The following TBC1D8 variants were observed in gnomAD, a reference collection of about 807,000 sequenced individuals.
TBC1D8 encodes BUB2-like protein 1.
A neutral mutation model predicts 118.8 loss-of-function variants in TBC1D8; 65 were observed. That is an observed-to-expected ratio of 0.55 (90% CI 0.45 to 0.67). The LOEUF (loss-of-function observed/expected upper bound fraction) is 0.67, where lower values mean the gene tolerates loss of function less well. Among genes scored for constraint, TBC1D8 ranks in the 30% least tolerant of loss-of-function variants. The probability of loss-of-function intolerance (pLI) is 0.00; values close to 1 mark genes in which losing one functional copy is unlikely to be tolerated. For synonymous variants in TBC1D8, 566 were observed against 595.8 expected, an observed-to-expected ratio of 0.95 and a Z score of 0.73; for missense variants, 1,376 against 1,471.2, an observed-to-expected ratio of 0.94 and a Z score of 1.06.
At chr2:101,049,687 C>T (rs528665140) in intron 5 of TBC1D8, among the ~76,000 whole-genome samples, 1 of 151,588 alleles carries the variant, frequency 6.6e-6, no homozygotes, top group Admixed American at 6.6e-5. Context: ...GAGATAGCAC[C>T]GTTGTACTCC....
In TBC1D8 at chr2:101,007,688, T is replaced by C. The variant is rs1678830470; in HGVS notation, c.*133A>G. ...GTTGTGTCGGTTCCCCTGGCCACAG[T>C]TTGTCAGGTTGTTTAGCCAGATGCC... On this transcript the variant is annotated 3_prime_UTR_variant, in exon 20 of 20. Transcript: ENST00000409318. 2.2e-6 allele frequency: 2 copies of C among 899,604 alleles called. No individual in the cohort carries two copies. The highest frequency in any genetic ancestry group is 4.9e-4 in the Middle Eastern group (2 of 4,074). The allele number at this position is 899,604 out of a possible 1,614,324, so 55.7% of individuals were successfully genotyped here. A position where few individuals can be genotyped will look rare whatever the true frequency, so the allele number is the denominator to read the frequency against.
rs1015495791 is a variant in TBC1D8, at chr2:101,036,237, G to A, written c.1453-69C>T. The A allele has an allele frequency of 2.2e-5, 35 of 1,558,880 alleles. No individual in the cohort carries two copies. The Admixed American group carries it at 3.5e-4, about 15-fold the overall frequency. On this transcript the variant is annotated intron_variant, in intron 8 of 19. Coordinates refer to ENST00000409318, the MANE Select transcript of TBC1D8 (RefSeq NM_001330348.2). ...ACCACCCCCCACCCACCGATGCACC[G>A]CTGGCAATGGAGGAAGTACTGCCCC...
chr2:101,104,499 C>G (rs1391594770), intron 1 of TBC1D8, among the ~76,000 whole-genome samples: 1 of 152,282 alleles, frequency 6.6e-6, no homozygotes. Context: ...TGTGGTGGTA[C>G]TGGTAATAGA....
chr2:101,105,410 G>A (rs1214340152), intron 1 of TBC1D8, among the ~76,000 whole-genome samples: 3 of 151,554 alleles, frequency 2.0e-5, no homozygotes, highest in African/African-American at 4.9e-5. Flanking sequence ...TCAACATGGC[G>A]AAACCCTGTC....
intron 1 of TBC1D8, among the ~76,000 whole-genome samples, chr2:101,131,687 C>T (rs954512503): frequency 1.3e-5 from 2 of 151,648 alleles, no homozygotes; most frequent in Admixed American, 6.6e-5. Context: ...TGGTGGTGGG[C>T]GCCTGTAGTC....
intron 2 of TBC1D8, among the ~76,000 whole-genome samples, chr2:101,065,634 C>A (rs973623197): frequency 6.6e-6 from 1 of 152,138 alleles, no homozygotes; most frequent in Non-Finnish European, 1.5e-5. Flanking sequence ...GATTTTCAGT[C>A]GGGTATATTT....
chr2:101,068,667 C>T (rs898597978), intron 2 of TBC1D8: 27 of 454,658 alleles, frequency 5.9e-5, no homozygotes, highest in Non-Finnish European at 1.0e-4. Flanking sequence ...TGGATGATAC[C>T]TTAGCACTTT....
At chr2:101,043,520 A>G (rs1369363464) in intron 5 of TBC1D8, among the ~76,000 whole-genome samples, 2 of 152,200 alleles carry the variant, frequency 1.3e-5, no homozygotes, top group Non-Finnish European at 2.9e-5. Flanking sequence ...CTTTCCCCTT[A>G]GGACATGGCT....
At chr2:101,148,960 T>C (rs1338329676) in intron 1 of TBC1D8, among the ~76,000 whole-genome samples, 2 of 152,154 alleles carry the variant, frequency 1.3e-5, no homozygotes, top group African/African-American at 4.8e-5. Context: ...CAATCCTAAG[T>C]GGTCCCATGA....
At chr2:101,049,257 A>G (rs1017688712) in intron 5 of TBC1D8, among the ~76,000 whole-genome samples, 2 of 152,250 alleles carry the variant, frequency 1.3e-5, no homozygotes, top group Admixed American at 6.5e-5. Context: ...TTAAAGCAAC[A>G]AACAATTCAA....
At chr2:101,011,576 T>G (rs773686588) in intron 17 of TBC1D8, 36 bp from the exon 18 acceptor site, 2 of 1,609,678 alleles carry the variant, frequency 1.2e-6, no homozygotes, top group East Asian at 2.2e-5. Flanking sequence ...TTAAACAAAT[T>G]TTCTGCCTTA....
chr2:101,040,104 C>T (rs1681284239), intron 6 of TBC1D8, 74 bp downstream of exon 6: 1 of 1,529,742 alleles, frequency 6.5e-7, no homozygotes, highest in Admixed American at 1.8e-5. Flanking sequence ...TCCCACACTC[C>T]ATCTCACAGC....
At chr2:101,095,321 T>A (rs1676330342) in intron 1 of TBC1D8, among the ~76,000 whole-genome samples, 2 of 144,766 alleles carry the variant, frequency 1.4e-5, no homozygotes, top group Admixed American at 1.4e-4. Flanking sequence ...TACATATGTA[T>A]ACATGTGCCA....
rs1678794367 is a variant in TBC1D8, at chr2:101,007,293, C to CAACA, written c.*524_*527dup. On this transcript the variant is annotated 3_prime_UTR_variant, in exon 20 of 20. Transcript: ENST00000409318. The stretch of plus-strand genomic sequence containing the variant: ...CATTGAAAGCATGGTTTGTACACAA[C>CAACA]AACATTTTTGGAAGGACATATAAAG... 1.3e-5 allele frequency: 2 copies of CAACA among 152,650 alleles called. No individual in the cohort carries two copies. Among genetic ancestry groups the CAACA allele is most frequent in the Non-Finnish European group, 2.9e-5 (2 of 68,448 alleles). The allele number at this position is 152,650 out of a possible 1,614,324, so 9.5% of individuals were successfully genotyped here. A position where few individuals can be genotyped will look rare whatever the true frequency, so the allele number is the denominator to read the frequency against.
intron 15 of TBC1D8, chr2:101,023,795 A>C: frequency 3.5e-6 from 1 of 282,640 alleles, no homozygotes; most frequent in South Asian, 3.3e-5. Flanking sequence ...AGTAGTTCCC[A>C]GTAACTGCAG....
intron 1 of TBC1D8, among the ~76,000 whole-genome samples, chr2:101,100,441 A>G (rs1326120162): frequency 6.6e-6 from 1 of 152,214 alleles, no homozygotes; most frequent in African/African-American, 2.4e-5. Context: ...TACTGCTCCA[A>G]GAAATTCATA....
intron 2 of TBC1D8, among the ~76,000 whole-genome samples, chr2:101,078,601 A>C (rs1229487003): frequency 6.6e-6 from 1 of 152,078 alleles, no homozygotes; most frequent in African/African-American, 2.4e-5. Context: ...AGAGAGGAAG[A>C]AATAACTCAA....
At chr2:101,114,182 T>C (rs1339659655) in intron 1 of TBC1D8, among the ~76,000 whole-genome samples, 3 of 152,236 alleles carry the variant, frequency 2.0e-5, no homozygotes, top group African/African-American at 7.2e-5. Context: ...TTTACAACCT[T>C]TGCTGTAAAG....
chr2:101,029,823 T>TC, intron 11 of TBC1D8, 47 bp from the exon 12 acceptor site: 1 of 1,562,988 alleles, frequency 6.4e-7, no homozygotes, highest in South Asian at 1.2e-5. Context: ...GGACTCACTC[T>TC]CTAAGGTCAG....
Sources: gnomAD v4.1 joint callset for allele counts (sites outside exome capture counted in the v4.1 genomes callset) on GRCh38, gnomAD v4.1.1 for gene constraint, MANE v1.5 for transcripts, NCBI Gene and HGNC (gene_info 2026-07-23, HGNC 2026-07-21) for gene names.